Variants in ZSWIM5 observed in about 807,000 individuals in gnomAD.
ZSWIM5 encodes zinc finger SWIM domain-containing protein 5.
Under a neutral mutation model 119.6 loss-of-function variants are expected in ZSWIM5, and 55 were observed. The ratio of observed to expected loss-of-function variants is 0.46; its 90% CI spans 0.37 to 0.58. ZSWIM5 has a LOEUF of 0.58. Ranked by LOEUF, ZSWIM5 falls within the 20% of genes least tolerant of loss-of-function variation. The probability of loss-of-function intolerance (pLI) is 0.00; values close to 1 mark genes in which losing one functional copy is unlikely to be tolerated. For missense variants in ZSWIM5, 1,193 were observed against 1,512.8 expected (o/e 0.79, Z 3.51); for synonymous variants, 537 against 606.9 (o/e 0.88, Z 1.69).
At chr1:45,131,791 T>C (rs1248627837) in intron 1 of ZSWIM5, among the ~76,000 whole-genome samples, 2 of 148,402 alleles carry the variant, frequency 1.3e-5, no homozygotes, top group Non-Finnish European at 3.0e-5. Context: ...TACTAAAAGG[T>C]AGTACTATTA....
chr1:45,169,749 G>A (rs1416492499), intron 1 of ZSWIM5, among the ~76,000 whole-genome samples: 1 of 151,876 alleles, frequency 6.6e-6, no homozygotes, highest in Admixed American at 6.6e-5. Context: ...ATTATTAAAG[G>A]AACAAATAAA....
intron 1 of ZSWIM5, among the ~76,000 whole-genome samples, chr1:45,128,409 G>C (rs956260553): frequency 6.6e-6 from 1 of 152,090 alleles, no homozygotes; most frequent in Non-Finnish European, 1.5e-5. Flanking sequence ...ATGTTGCCCA[G>C]GCTGGTCTTG....
intron 1 of ZSWIM5, among the ~76,000 whole-genome samples, chr1:45,142,800 G>A (rs1288254169): frequency 6.6e-6 from 1 of 151,610 alleles, no homozygotes; most frequent in East Asian, 1.9e-4. Flanking sequence ...TTCTAAACTC[G>A]TTTCATGATC....
At position 45,018,307 on chromosome 1, in the gene ZSWIM5, C is replaced by A; in HGVS notation, c.*147G>T. The A allele has an allele frequency of 1.0e-6, 1 of 1,001,120 alleles. No homozygotes were observed. Among genetic ancestry groups the A allele is most frequent in the Non-Finnish European group, 1.4e-6 (1 of 694,770 alleles). 62.0% of individuals were successfully genotyped at this position (1,001,120 alleles called of 1,614,324 possible). On this transcript the variant is annotated 3_prime_UTR_variant, in exon 14 of 14. Coordinates refer to ENST00000359600, the MANE Select transcript of ZSWIM5 (RefSeq NM_020883.2). This position sits in a 1 kb window ranked among gnomAD's most constrained non-coding sequence, Gnocchi z 6.7. ...GTAGGCATTATCGACTAGAGCTGGACTTTCCCCATCCTTAGCCCTGTGGTC... is the reference window on the plus strand; with the variant it reads ...GTAGGCATTATCGACTAGAGCTGGAATTTCCCCATCCTTAGCCCTGTGGTC...
chr1:45,040,113 T>G (rs1014635381), intron 7 of ZSWIM5, among the ~76,000 whole-genome samples: 1 of 152,194 alleles, frequency 6.6e-6, no homozygotes, highest in Non-Finnish European at 1.5e-5. Context: ...GCTGGGATTA[T>G]AGGTGTGAAT....
At chr1:45,150,918 A>G (rs1049383463) in intron 1 of ZSWIM5, among the ~76,000 whole-genome samples, 3 of 152,196 alleles carry the variant, frequency 2.0e-5, no homozygotes, top group Admixed American at 1.3e-4. Flanking sequence ...TGCAAGATGA[A>G]CAGAAGGAAC....
chr1:45,058,587 T>A (rs1446538711), intron 4 of ZSWIM5, 22 bp downstream of exon 4: 16 of 1,614,002 alleles, frequency 9.9e-6, no homozygotes, highest in African/African-American at 1.3e-5. Context: ...ACAAAGCACT[T>A]CTCTGAATGA....
chr1:45,134,301 C>T lies in ZSWIM5; in HGVS notation c.596-46064G>A, dbSNP rs1285391766. Among the ~76,000 whole-genome samples the T allele has an allele frequency of 3.3e-5, 5 of 152,112 alleles. No individual in the cohort carries two copies. In the East Asian group the frequency reaches 7.7e-4, roughly 23 times the overall value. Reference sequence around the variant, plus strand: ...GAAAATAAAAGTATAAAAATAAATACAATTTACATTAATATAAATAAATAA... The same window carrying T: ...GAAAATAAAAGTATAAAAATAAATATAATTTACATTAATATAAATAAATAA... On this transcript the variant is annotated intron_variant, in intron 1 of 13. Coordinates refer to ENST00000359600, the MANE Select transcript of ZSWIM5 (RefSeq NM_020883.2).
At chr1:45,129,304 G>A (rs1469228458) in intron 1 of ZSWIM5, among the ~76,000 whole-genome samples, 1 of 151,594 alleles carries the variant, frequency 6.6e-6, no homozygotes, top group Non-Finnish European at 1.5e-5. Flanking sequence ...GACTACAGGC[G>A]CCCGCCACCA....
At chr1:45,179,995 G>C (rs560838365) in intron 1 of ZSWIM5, among the ~76,000 whole-genome samples, 1 of 152,312 alleles carries the variant, frequency 6.6e-6, no homozygotes, top group African/African-American at 2.4e-5. Flanking sequence ...ACAGCTCCCA[G>C]TGTGAGCGAC....
chr1:45,053,107 G>A (rs1355248301), intron 4 of ZSWIM5, among the ~76,000 whole-genome samples: 9 of 125,828 alleles, frequency 7.2e-5, no homozygotes, highest in African/African-American at 2.8e-4. Context: ...TGAGCAACAA[G>A]AGTGAAACTC....
At chr1:45,124,095 A>C (rs972789010) in intron 1 of ZSWIM5, among the ~76,000 whole-genome samples, 7 of 152,164 alleles carry the variant, frequency 4.6e-5, no homozygotes, top group Admixed American at 4.6e-4. Context: ...GTCTACCCTA[A>C]AACAGTAGCT....
intron 1 of ZSWIM5, among the ~76,000 whole-genome samples, chr1:45,153,807 C>T (rs969019837): frequency 2.0e-5 from 3 of 152,084 alleles, no homozygotes; most frequent in African/African-American, 7.2e-5. Flanking sequence ...GTCAAACTGT[C>T]GCTGTTTGCA....
intron 1 of ZSWIM5, among the ~76,000 whole-genome samples, chr1:45,193,302 A>C (rs1345721490): frequency 6.6e-6 from 1 of 152,220 alleles, no homozygotes; most frequent in African/African-American, 2.4e-5. Context: ...GCTTTAAACA[A>C]ATTTTAAACC....
intron 11 of ZSWIM5, among the ~76,000 whole-genome samples, chr1:45,025,950 TA>T (rs1644918124): frequency 6.6e-6 from 1 of 152,212 alleles, no homozygotes; most frequent in African/African-American, 2.4e-5. Flanking sequence ...TGATGCTGAA[TA>T]AAAGTGGCAA....
At chr1:45,168,004 T>G (rs1042324059) in intron 1 of ZSWIM5, among the ~76,000 whole-genome samples, 4 of 152,042 alleles carry the variant, frequency 2.6e-5, no homozygotes, top group Admixed American at 6.6e-5. Context: ...AAATCATGCT[T>G]CTATAAAGAC....
At chr1:45,177,634 T>C (rs1284507108) in intron 1 of ZSWIM5, among the ~76,000 whole-genome samples, 3 of 152,092 alleles carry the variant, frequency 2.0e-5, no homozygotes, top group African/African-American at 7.2e-5. Context: ...GAGCAATCAG[T>C]TGCTACTTGA....
intron 2 of ZSWIM5, among the ~76,000 whole-genome samples, chr1:45,067,508 T>C (rs1403071332): frequency 1.3e-5 from 2 of 151,830 alleles, no homozygotes; most frequent in Admixed American, 6.6e-5. Flanking sequence ...AGATAATATT[T>C]GAAGACAAGG....
At chr1:45,125,600 C>A (rs1645616067) in intron 1 of ZSWIM5, among the ~76,000 whole-genome samples, 1 of 151,618 alleles carries the variant, frequency 6.6e-6, no homozygotes, top group South Asian at 2.1e-4. Context: ...ATGGTGAAAC[C>A]CTGTCTCTAC....
Sources: allele counts gnomAD v4.1 joint callset (sites outside exome capture counted in the v4.1 genomes callset), GRCh38; gene constraint gnomAD v4.1.1; non-coding constraint Gnocchi (gnomAD v3.1); transcripts MANE v1.5; gene names NCBI Gene and HGNC (gene_info 2026-07-23, HGNC 2026-07-21).